SHOC2: variants seen among roughly 807,000 people sequenced by gnomAD.
The protein encoded by SHOC2 is SHOC2 leucine rich repeat scaffold protein.
A neutral mutation model predicts 50.2 loss-of-function variants in SHOC2; 4 were observed. That is an observed-to-expected ratio of 0.08 (90% CI 0.04 to 0.18). The LOEUF (loss-of-function observed/expected upper bound fraction) is 0.18. Among genes scored for constraint, SHOC2 ranks in the 10% least tolerant of loss-of-function variants. The pLI, the probability that SHOC2 is intolerant of heterozygous loss-of-function variation, is 1.00. For missense variants in SHOC2, 388 were observed against 669.6 expected (o/e 0.58, Z 4.64); for synonymous variants, 218 against 244.5 (o/e 0.89, Z 1.01).
intron 3 of SHOC2, chr10:110,989,047 T>C (rs1257278507): frequency 2.0e-6 from 1 of 503,808 alleles, no homozygotes; most frequent in Non-Finnish European, 3.9e-6. Flanking sequence ...CTTGACAATT[T>C]TCCATGATAT....
At chr10:110,958,298 T>C (rs899879430) in intron 1 of SHOC2, among the ~76,000 whole-genome samples, 3 of 151,816 alleles carry the variant, frequency 2.0e-5, no homozygotes, top group Non-Finnish European at 4.4e-5. Flanking sequence ...CACTGCAACC[T>C]CTGTCTCCCA....
intron 8 of SHOC2, 113 bp downstream of exon 8, chr10:111,009,943 G>T: frequency 2.8e-6 from 2 of 706,800 alleles, no homozygotes; most frequent in South Asian, 1.8e-5. Context: ...GGTTATATCA[G>T]GCTTAAGATT....
chr10:110,979,800 C>A (rs1057321607), intron 2 of SHOC2, among the ~76,000 whole-genome samples: 1 of 152,200 alleles, frequency 6.6e-6, no homozygotes, highest in Non-Finnish European at 1.5e-5. Context: ...CTCAACTTTT[C>A]TTCCTTGTGG....
At chr10:110,921,838 C>T (rs1846658540) in intron 1 of SHOC2, among the ~76,000 whole-genome samples, 1 of 152,042 alleles carries the variant, frequency 6.6e-6, no homozygotes, top group Non-Finnish European at 1.5e-5. Flanking sequence ...GAAACAGCTA[C>T]ATTAAAAGTT....
At chr10:111,007,475 A>G in intron 5 of SHOC2, 56 bp from the exon 6 acceptor site, 1 of 1,588,552 alleles carries the variant, frequency 6.3e-7, no homozygotes, top group South Asian at 1.1e-5. Context: ...TGACAGGTAT[A>G]TATAGAACTT....
At chr10:110,998,229 C>A (rs1259636023) in intron 3 of SHOC2, among the ~76,000 whole-genome samples, 1 of 152,064 alleles carries the variant, frequency 6.6e-6, no homozygotes, top group East Asian at 1.9e-4. Context: ...GAACTCCTGA[C>A]CTCAGGTGAT....
intron 2 of SHOC2, among the ~76,000 whole-genome samples, chr10:110,984,019 T>C (rs1848033077): frequency 6.6e-6 from 1 of 152,196 alleles, no homozygotes; most frequent in Admixed American, 6.5e-5. Context: ...CTTTTCGATA[T>C]ATACCTTGAA....
At chr10:110,957,221 TG>T (rs1847481203) in intron 1 of SHOC2, among the ~76,000 whole-genome samples, 1 of 152,206 alleles carries the variant, frequency 6.6e-6, no homozygotes, top group Non-Finnish European at 1.5e-5. Context: ...TCAGCAAGAT[TG>T]GTTAGAATAG....
intron 1 of SHOC2, among the ~76,000 whole-genome samples, chr10:110,930,671 G>A (rs1846875726): frequency 6.8e-6 from 1 of 146,452 alleles, no homozygotes; most frequent in African/African-American, 2.5e-5. Flanking sequence ...TACTTAAGTT[G>A]TGTATGACAT....
At chr10:110,967,081 G>GTTGT (rs1478178588) in intron 2 of SHOC2, among the ~76,000 whole-genome samples, 2 of 152,140 alleles carry the variant, frequency 1.3e-5, no homozygotes, top group Admixed American at 1.3e-4. Flanking sequence ...AAGGATGGCT[G>GTTGT]TTGTTTGAGC....
chr10:110,996,844 A>T (rs1411413926), intron 3 of SHOC2, among the ~76,000 whole-genome samples: 1 of 152,176 alleles, frequency 6.6e-6, no homozygotes, highest in African/African-American at 2.4e-5. Flanking sequence ...GTAAAAATGG[A>T]CACAGACATG....
chr10:110,928,766 G>A lies in SHOC2; in HGVS notation c.-235+9109G>A, dbSNP rs191280016. 2.6e-5 allele frequency among the ~76,000 whole-genome samples: 4 copies of A among 152,170 alleles called. No homozygotes were observed. The East Asian group carries it at 7.8e-4, about 29-fold the overall frequency. On this transcript the variant is annotated intron_variant, in intron 1 of 8. Coordinates refer to ENST00000369452, the MANE Select transcript of SHOC2 (RefSeq NM_007373.4). ...AAAAATTAACAGGGTGTGGTGGCAT[G>A]CATCGGTAGTCCCAGCTACTTGGGA...
At chr10:110,993,066 C>T (rs577196302) in intron 3 of SHOC2, among the ~76,000 whole-genome samples, 214 of 152,208 alleles carry the variant, frequency 1.4e-3, no homozygotes, top group Admixed American at 2.3e-3. Flanking sequence ...AATCTGACAG[C>T]GTAAGAGAAA....
At chr10:110,962,058 C>T (rs1334375400) in intron 1 of SHOC2, among the ~76,000 whole-genome samples, 4 of 151,884 alleles carry the variant, frequency 2.6e-5, no homozygotes, top group Admixed American at 6.6e-5. Context: ...TCTCAGGTCA[C>T]GTATTTTCTT....
chr10:110,968,021 A>G (rs557229734), intron 2 of SHOC2, among the ~76,000 whole-genome samples: 1 of 152,260 alleles, frequency 6.6e-6, no homozygotes, highest in Non-Finnish European at 1.5e-5. Flanking sequence ...CTCTATGTTT[A>G]ACCTTTTTGA....
At chr10:110,977,147 T>G (rs1413050066) in intron 2 of SHOC2, among the ~76,000 whole-genome samples, 2 of 152,154 alleles carry the variant, frequency 1.3e-5, no homozygotes, top group Non-Finnish European at 2.9e-5. Context: ...TTTAACAGCT[T>G]TTTCACTGTC....
chr10:110,972,455 T>G (rs999844146), intron 2 of SHOC2, among the ~76,000 whole-genome samples: 2 of 152,190 alleles, frequency 1.3e-5, no homozygotes, highest in Admixed American at 1.3e-4. Context: ...TTCTTTTGAC[T>G]GGGAACCAGC....
At chr10:110,989,449 A>G (rs1590822842) in intron 3 of SHOC2, among the ~76,000 whole-genome samples, 2 of 152,224 alleles carry the variant, frequency 1.3e-5, no homozygotes, top group African/African-American at 2.4e-5. Context: ...TCATGGGAGC[A>G]GTATTCTCCT....
At position 110,924,297 on chromosome 10, in the gene SHOC2, C is replaced by T. The variant is rs144895450; in HGVS notation, c.-235+4640C>T. On this transcript the variant is annotated intron_variant, in intron 1 of 8. Coordinates refer to ENST00000369452, the MANE Select transcript of SHOC2 (RefSeq NM_007373.4). The stretch of plus-strand genomic sequence containing the variant: ...AATAGTTAATTGTTAAACAATGTGA[C>T]ACATGCTTTTAACAGCAGTATATAC... 5.8e-3 allele frequency among the ~76,000 whole-genome samples: 886 copies of T among 152,252 alleles called. 7 individuals are homozygous for T. The highest frequency in any genetic ancestry group is 0.029 in the South Asian group (140 of 4,826).
Sources: gnomAD v4.1 joint callset for allele counts (sites outside exome capture counted in the v4.1 genomes callset) on GRCh38, gnomAD v4.1.1 for gene constraint, MANE v1.5 for transcripts, NCBI Gene and HGNC (gene_info 2026-07-23, HGNC 2026-07-21) for gene names.